The following MECOM variants were observed in gnomAD, a reference collection of about 807,000 sequenced individuals.
MECOM encodes histone-lysine N-methyltransferase MECOM.
In MECOM, 13 loss-of-function variants were observed where a neutral mutation model predicts 116.3. The ratio of observed to expected loss-of-function variants is 0.11; its 90% CI spans 0.07 to 0.18. The LOEUF (loss-of-function observed/expected upper bound fraction) is 0.18. Among genes scored for constraint, MECOM ranks in the 10% least tolerant of loss-of-function variants. MECOM has a pLI of 1.00. For synonymous variants in MECOM, 528 were observed against 535.2 expected (o/e 0.99, Z 0.19); for missense variants, 1,299 against 1,509.0 (o/e 0.86, Z 2.31).
chr3:169,091,782 CA>C (rs781127700), intron 14 of MECOM, among the ~76,000 whole-genome samples: 3 of 150,884 alleles, frequency 2.0e-5, no homozygotes, highest in Admixed American at 6.6e-5. Flanking sequence ...CAGAAGTGGT[CA>C]TTTTTTTTGT....
chr3:169,346,008 T>C (rs1460723450), intron 2 of MECOM, among the ~76,000 whole-genome samples: 1 of 152,080 alleles, frequency 6.6e-6, no homozygotes, highest in African/African-American at 2.4e-5. Context: ...AAACATCTAA[T>C]AGAAAAAAAC....
chr3:169,637,539 A>G (rs895180055), intron 1 of MECOM, among the ~76,000 whole-genome samples: 4 of 152,198 alleles, frequency 2.6e-5, no homozygotes, highest in Admixed American at 6.5e-5. Context: ...AGGCCTATGG[A>G]TGACTCAAAA....
chr3:169,276,020 G>C (rs1400968974), intron 2 of MECOM, among the ~76,000 whole-genome samples: 1 of 152,058 alleles, frequency 6.6e-6, no homozygotes, highest in Non-Finnish European at 1.5e-5. Context: ...CTGAAATCTA[G>C]CTATGTTAGA....
At chr3:169,506,513 T>C (rs1755240117) in intron 1 of MECOM, among the ~76,000 whole-genome samples, 1 of 151,848 alleles carries the variant, frequency 6.6e-6, no homozygotes, top group Non-Finnish European at 1.5e-5. Context: ...GCCCACAGAC[T>C]GTGCATTTAA....
At chr3:169,155,835 C>A (rs1741882013) in intron 2 of MECOM, among the ~76,000 whole-genome samples, 1 of 152,110 alleles carries the variant, frequency 6.6e-6, no homozygotes, top group African/African-American at 2.4e-5. Context: ...ACTTCTCTTA[C>A]CTCTGACACT....
chr3:169,130,040 A>G (rs1483894906), intron 4 of MECOM, among the ~76,000 whole-genome samples: 1 of 151,852 alleles, frequency 6.6e-6, no homozygotes, highest in Non-Finnish European at 1.5e-5. Context: ...TAAGAATTAT[A>G]TGTAACATAT....
rs1157852145 is a variant in MECOM, at chr3:169,382,849, C to CAAAAAAAAAAA, written c.38-1336_38-1326dup. On this transcript the variant is annotated intron_variant, in intron 1 of 16. Transcript: ENST00000651503. ...CTGGCAAGAGACTGAAAGCCCATCT[C>CAAAAAAAAAAA]AAAAAAAAAAAAAAATAAAAAAAAT... 1.5e-4 allele frequency among the ~76,000 whole-genome samples: 7 copies of CAAAAAAAAAAA among 47,162 alleles called. 1 individual carries two copies. The highest frequency in any genetic ancestry group is 5.3e-4 in the African/African-American group (6 of 11,236). The allele number at this position is 47,162 out of a possible 152,430, so 30.9% of individuals were successfully genotyped here.
intron 2 of MECOM, among the ~76,000 whole-genome samples, chr3:169,290,120 T>A (rs1252741330): frequency 6.6e-6 from 1 of 152,142 alleles, no homozygotes; most frequent in Admixed American, 6.5e-5. Context: ...AGAGAATAGA[T>A]GCTTTAATAT....
intron 2 of MECOM, among the ~76,000 whole-genome samples, chr3:169,225,262 T>A (rs1412087949): frequency 6.6e-6 from 1 of 152,192 alleles, no homozygotes; most frequent in African/African-American, 2.4e-5. Flanking sequence ...CTATTCGGAT[T>A]TTATGTTCAA....
chr3:169,222,452 G>T (rs933082476), intron 2 of MECOM, among the ~76,000 whole-genome samples: 40 of 152,118 alleles, frequency 2.6e-4, no homozygotes, highest in African/African-American at 8.0e-4. Context: ...CCACATGATG[G>T]CACTAAAATG....
chr3:169,292,007 C>G (rs1259838321), intron 2 of MECOM, among the ~76,000 whole-genome samples: 1 of 152,112 alleles, frequency 6.6e-6, no homozygotes, highest in African/African-American at 2.4e-5. Context: ...TGAAACATGA[C>G]CCTTATACTG....
intron 2 of MECOM, among the ~76,000 whole-genome samples, chr3:169,204,052 G>T (rs931941316): frequency 6.6e-6 from 1 of 152,140 alleles, no homozygotes; most frequent in Non-Finnish European, 1.5e-5. Flanking sequence ...ATTTGGTTGA[G>T]CTATCAAATT....
In MECOM at chr3:169,483,838, A is replaced by G. The variant is rs779083732; in HGVS notation, c.38-102314T>C. ...TACCTTTTGGAGAAAGGCACCTCGG[A>G]TGTCACGGTGATCTTGCTCTTGCTC... On this transcript the variant is annotated intron_variant, in intron 1 of 16. Transcript: ENST00000651503. The G allele has an allele frequency of 5.0e-6, 8 of 1,611,606 alleles. No homozygotes were observed. The Admixed American group carries it at 6.7e-5, about 13-fold the overall frequency.
chr3:169,123,753 T>C (rs1731863626), intron 5 of MECOM, among the ~76,000 whole-genome samples: 1 of 152,064 alleles, frequency 6.6e-6, no homozygotes, highest in African/African-American at 2.4e-5. Context: ...AAGCAATTTA[T>C]AGATAATATC....
intron 1 of MECOM, among the ~76,000 whole-genome samples, chr3:169,473,575 C>A (rs1749889652): frequency 6.6e-6 from 1 of 152,020 alleles, no homozygotes; most frequent in African/African-American, 2.4e-5. Context: ...TCGAGACAAT[C>A]CTGGCCAACA....
At chr3:169,240,079 T>G (rs1428826255) in intron 2 of MECOM, among the ~76,000 whole-genome samples, 1 of 152,196 alleles carries the variant, frequency 6.6e-6, no homozygotes. Context: ...CTTCAGCAAG[T>G]GTAGTTTAGG....
intron 3 of MECOM, among the ~76,000 whole-genome samples, chr3:169,133,156 A>G (rs901034616): frequency 2.8e-4 from 43 of 151,128 alleles, no homozygotes; most frequent in African/African-American, 1.0e-3. Flanking sequence ...ACAATAACAC[A>G]ACAACCACCA....
intron 1 of MECOM, among the ~76,000 whole-genome samples, chr3:169,394,520 A>G (rs1734726203): frequency 2.0e-5 from 3 of 152,186 alleles, no homozygotes. Flanking sequence ...ACAAAGGGGT[A>G]TAGACTGTGG....
At chr3:169,193,204 T>C (rs1391279101) in intron 2 of MECOM, among the ~76,000 whole-genome samples, 1 of 152,054 alleles carries the variant, frequency 6.6e-6, no homozygotes. Context: ...ATTGTCTAAA[T>C]ACTGAATGGA....
Sources: gnomAD v4.1 joint callset for allele counts (sites outside exome capture counted in the v4.1 genomes callset) on GRCh38, gnomAD v4.1.1 for gene constraint, MANE v1.5 for transcripts, NCBI Gene and HGNC (gene_info 2026-07-23, HGNC 2026-07-21) for gene names.